The following SDK1 variants were observed in gnomAD, a reference collection of about 807,000 sequenced individuals.
The protein encoded by SDK1 is sidekick cell adhesion molecule 1.
Under a neutral mutation model 245.5 loss-of-function variants are expected in SDK1, and 157 were observed. That is an observed-to-expected ratio of 0.64 (90% confidence interval 0.56 to 0.73). The LOEUF (loss-of-function observed/expected upper bound fraction) is 0.73. Among genes scored for constraint, SDK1 ranks in the 30% least tolerant of loss-of-function variants. The probability of loss-of-function intolerance (pLI) is 0.00; values close to 1 mark genes in which losing one functional copy is unlikely to be tolerated. For missense variants in SDK1, 3,583 were observed against 3,002.3 expected (o/e 1.19, Z -4.52); for synonymous variants, 1,647 against 1,278.5 (o/e 1.29, Z -6.15).
At chr7:3,998,688 G>T (rs1784854054) in intron 14 of SDK1, among the ~76,000 whole-genome samples, 1 of 152,188 alleles carries the variant, frequency 6.6e-6, no homozygotes, top group South Asian at 2.1e-4. Context: ...AACTCAGAAA[G>T]AAGCCCTGTT....
At chr7:3,738,984 T>G (rs1779400176) in intron 4 of SDK1, among the ~76,000 whole-genome samples, 1 of 152,086 alleles carries the variant, frequency 6.6e-6, no homozygotes, top group African/African-American at 2.4e-5. Flanking sequence ...TTTAAAATAT[T>G]TCCTTATTTT....
intron 14 of SDK1, among the ~76,000 whole-genome samples, chr7:3,992,424 G>C (rs1562634127): frequency 6.6e-6 from 1 of 152,168 alleles, no homozygotes; most frequent in Non-Finnish European, 1.5e-5. Context: ...TAGTGTCCTA[G>C]GCCTGGGTCA....
intron 4 of SDK1, among the ~76,000 whole-genome samples, chr7:3,713,366 A>G (rs1235148549): frequency 2.0e-5 from 3 of 152,222 alleles, no homozygotes; most frequent in Non-Finnish European, 1.5e-5. Flanking sequence ...AAAGAAAGAA[A>G]GAGCCTACAA....
At chr7:4,040,326 T>C (rs1788528494) in intron 17 of SDK1, among the ~76,000 whole-genome samples, 1 of 152,178 alleles carries the variant, frequency 6.6e-6, no homozygotes. Context: ...TTCATCTGAG[T>C]GTGCTCAGAG....
Position 4,114,039 on chromosome 7 carries a change from C to G in SDK1, c.3588C>G (p.Pro1196=). ...SETSLRLRWV[P]LPDSQYNGNP... ...CGCGACTCCTCGTTCCTTCCTAGCC[C>G]CTGCCGGATTCTCAGTACAACGGGA... Residue 1196 remains proline, a splice_region_variant and synonymous_variant, in exon 25 of 45, where the codon CCC becomes CCG. Transcript: ENST00000404826. 2 of 1,613,890 alleles carry G rather than the reference C, an allele frequency of 1.2e-6. No individual in the cohort carries two copies. The highest frequency in any genetic ancestry group is 1.7e-4 in the Middle Eastern group (1 of 6,060).
chr7:3,556,406 A>G (rs1198671709), intron 1 of SDK1, among the ~76,000 whole-genome samples: 2 of 152,158 alleles, frequency 1.3e-5, no homozygotes, highest in African/African-American at 4.8e-5. Flanking sequence ...AGGCTGGAAA[A>G]GGTTGGTGGG....
At chr7:3,832,563 CCA>C (rs1244713536) in intron 5 of SDK1, among the ~76,000 whole-genome samples, 1 of 152,114 alleles carries the variant, frequency 6.6e-6, no homozygotes, top group Admixed American at 6.5e-5. Flanking sequence ...AAGTGAAAGG[CCA>C]CTTAACAATG....
chr7:3,469,967 T>C (rs1425320262), intron 1 of SDK1, among the ~76,000 whole-genome samples: 1 of 152,186 alleles, frequency 6.6e-6, no homozygotes, highest in Non-Finnish European at 1.5e-5. Flanking sequence ...TGAAGGAATA[T>C]TTTTTATTTC....
At chr7:3,987,123 A>C in intron 13 of SDK1, 63 bp from the exon 14 acceptor site, 1 of 1,570,190 alleles carries the variant, frequency 6.4e-7, no homozygotes. Flanking sequence ...GTAAGAGCTC[A>C]GGCTCACCAT....
intron 14 of SDK1, among the ~76,000 whole-genome samples, chr7:4,004,341 G>A (rs564880872): frequency 6.6e-6 from 1 of 152,316 alleles, no homozygotes; most frequent in East Asian, 1.9e-4. Flanking sequence ...AGCAAAAACA[G>A]TAGTAGAATT....
At chr7:3,366,075 G>A (rs1321812517) in intron 1 of SDK1, among the ~76,000 whole-genome samples, 1 of 149,072 alleles carries the variant, frequency 6.7e-6, no homozygotes, top group African/African-American at 2.4e-5. Flanking sequence ...TATTTTTTCT[G>A]TGTAGATATT....
chr7:3,801,091 A>G (rs1448909586), intron 4 of SDK1, among the ~76,000 whole-genome samples: 1 of 152,240 alleles, frequency 6.6e-6, no homozygotes. Context: ...TAAACTAGCC[A>G]GACTAACCTG....
At chr7:3,974,316 G>T (rs1450922908) in intron 12 of SDK1, 53 bp from the exon 13 acceptor site, 3 of 1,518,286 alleles carry the variant, frequency 2.0e-6, no homozygotes, top group Non-Finnish European at 2.7e-6. Flanking sequence ...GGAAGGAGCA[G>T]TGATTCTGTC....
At chr7:3,989,615 T>G (rs779061837) in intron 14 of SDK1, among the ~76,000 whole-genome samples, 38 of 151,934 alleles carry the variant, frequency 2.5e-4, no homozygotes, top group Non-Finnish European at 5.1e-4. Context: ...CACCTAGGAG[T>G]GGTGCACTCT....
intron 1 of SDK1, among the ~76,000 whole-genome samples, chr7:3,445,641 C>T (rs1221787427): frequency 1.3e-5 from 2 of 152,118 alleles, no homozygotes; most frequent in Non-Finnish European, 2.9e-5. Flanking sequence ...GACATTGGTA[C>T]AATGTATATG....
At chr7:3,912,637 C>G (rs1345787976) in intron 5 of SDK1, among the ~76,000 whole-genome samples, 1 of 152,218 alleles carries the variant, frequency 6.6e-6, no homozygotes, top group Non-Finnish European at 1.5e-5. Context: ...GGCTGGGGCA[C>G]CCGCTTCTGG....
In SDK1 at chr7:4,245,692, A is replaced by C. The variant is rs1786804239; in HGVS notation, c.6268A>C (p.Ser2090Arg). 1 of 1,614,062 alleles carries C rather than the reference A, an allele frequency of 6.2e-7. No individual in the cohort carries two copies. The highest frequency in any genetic ancestry group is 8.5e-7 in the Non-Finnish European group (1 of 1,179,988). Reference sequence around the variant, plus strand: ...TCATCCTAGGTCCCCACCCCGGCCTAGCCCCGGCGGCCTGCACTACTCAGA... The same window carrying C: ...TCATCCTAGGTCCCCACCCCGGCCTCGCCCCGGCGGCCTGCACTACTCAGA... ...KNGTRSPPRP[S>R]PGGLHYSDED... is the part of the protein sequence containing the mutation. Residue 2090 changes from serine (S) to arginine (R), a missense_variant, in exon 44 of 45, where the codon AGC (serine) becomes CGC (arginine). By Grantham distance (110) the Ser-to-Arg change is moderately radical. Transcript: ENST00000404826.
Position 3,592,541 on chromosome 7 carries a change from A to G in SDK1, c.299-26539A>G, listed in dbSNP as rs542176421. Among the ~76,000 whole-genome samples, 9 of 152,240 alleles carry G rather than the reference A, an allele frequency of 5.9e-5. No individual in the cohort carries two copies. The South Asian group carries it at 1.7e-3, about 28-fold the overall frequency. ...TGATGCTGTTTGTGTATTGCTGCTG[A>G]TGAATTCTGCCCAGTGAAGGTTATT... On this transcript the variant is annotated intron_variant, in intron 1 of 44. Coordinates refer to ENST00000404826, the MANE Select transcript of SDK1 (RefSeq NM_152744.4).
At chr7:4,216,413 C>T (rs1784799333) in intron 38 of SDK1, among the ~76,000 whole-genome samples, 1 of 152,174 alleles carries the variant, frequency 6.6e-6, no homozygotes, top group African/African-American at 2.4e-5. Flanking sequence ...CCCCGAGGCC[C>T]CTAGGAGACA....
Sources: allele counts gnomAD v4.1 joint callset (sites outside exome capture counted in the v4.1 genomes callset), GRCh38; gene constraint gnomAD v4.1.1; transcripts MANE v1.5; gene names NCBI Gene and HGNC (gene_info 2026-07-23, HGNC 2026-07-21).